EPM2A: variants seen among roughly 807,000 people sequenced by gnomAD.
EPM2A encodes EPM2A glucan phosphatase, laforin.
In EPM2A, 21 loss-of-function variants were observed where a neutral mutation model predicts 26.5. The ratio of observed to expected loss-of-function variants is 0.79; its 90% CI spans 0.56 to 1.14. The LOEUF (loss-of-function observed/expected upper bound fraction) is 1.14. Ranked by LOEUF, EPM2A falls within the 50% of genes most tolerant of loss-of-function variation. The probability of loss-of-function intolerance (pLI) is 0.00; values close to 1 mark genes in which losing one functional copy is unlikely to be tolerated. For synonymous variants in EPM2A, 217 were observed against 177.6 expected, an observed-to-expected ratio of 1.22 and a Z score of -1.76; for missense variants, 458 against 440.8, an observed-to-expected ratio of 1.04 and a Z score of -0.35.
In EPM2A at chr6:145,427,013, T is replaced by C. The variant is rs550304444; in HGVS notation, c.556-42916A>G. ...AAAAGCTTTGAAAGGGGAAAGAACA[T>C]TTTTCTTTATATTTGGTGGCAATTT... On this transcript the variant is annotated intron_variant, in intron 4 of 4. Coordinates refer to the EPM2A transcript ENST00000638717. 3.3e-5 allele frequency among the ~76,000 whole-genome samples: 5 copies of C among 152,284 alleles called. No individual in the cohort carries two copies. In the South Asian group the frequency reaches 6.2e-4, roughly 19 times the overall value.
In EPM2A at chr6:145,403,464, T is replaced by A. The variant is rs1374550736; in HGVS notation, c.556-19367A>T. On this transcript the variant is annotated intron_variant, in intron 4 of 4. Transcript: ENST00000638717. ...CTGGTAACCACCCTCTTACTCTCTA[T>A]GTCCATGAGTTCAATTGTTTTGATT... Among the ~76,000 whole-genome samples the A allele has an allele frequency of 4.8e-5, 7 of 145,624 alleles. No homozygotes were observed. The East Asian group carries it at 1.1e-3, about 24-fold the overall frequency.
At chr6:145,518,595 C>CAAAAAA (rs55802475) in intron 2 of EPM2A, among the ~76,000 whole-genome samples, 14 of 102,664 alleles carry the variant, frequency 1.4e-4, no homozygotes, top group Non-Finnish European at 2.2e-4. Context: ...TGAAATGCAC[C>CAAAAAA]AAAAAAAAAA....
chr6:145,448,328 C>G (rs1288150911), intron 4 of EPM2A, among the ~76,000 whole-genome samples: 1 of 151,922 alleles, frequency 6.6e-6, no homozygotes, highest in African/African-American at 2.4e-5. Flanking sequence ...TAGGAAACCA[C>G]AATGTAAATC....
intron 2 of EPM2A, among the ~76,000 whole-genome samples, chr6:145,547,321 A>T (rs1398523230): frequency 6.6e-6 from 1 of 151,808 alleles, no homozygotes; most frequent in Non-Finnish European, 1.5e-5. Flanking sequence ...CACTAAACTA[A>T]CTCTGGCTCT....
chr6:145,683,310 T>A (rs901831161), intron 2 of EPM2A, among the ~76,000 whole-genome samples: 10 of 148,656 alleles, frequency 6.7e-5, no homozygotes, highest in African/African-American at 2.2e-4. Context: ...TGTGTGTGAG[T>A]GTGTATATAT....
At position 145,626,776 on chromosome 6, in the gene EPM2A, A is replaced by G. The variant is rs1189072666; in HGVS notation, c.*640T>C. 1 of 985,726 alleles carries G rather than the reference A, an allele frequency of 1.0e-6. No individual in the cohort carries two copies. The highest frequency in any genetic ancestry group is 1.8e-5 in the African/African-American group (1 of 57,078). The allele number at this position is 985,726 out of a possible 1,614,324, so 61.1% of individuals were successfully genotyped here. On this transcript the variant is annotated 3_prime_UTR_variant, in exon 4 of 4. Coordinates refer to ENST00000367519, the MANE Select transcript of EPM2A (RefSeq NM_005670.4). Reference sequence around the variant, plus strand: ...TTTGCTTTGTTTGGTAATTTTGAGGAAAAACAACAACAAATGAGAGATAAT... The same window carrying G: ...TTTGCTTTGTTTGGTAATTTTGAGGGAAAACAACAACAAATGAGAGATAAT...
intron 2 of EPM2A, among the ~76,000 whole-genome samples, chr6:145,526,569 T>C (rs1270648744): frequency 6.6e-6 from 1 of 152,114 alleles, no homozygotes; most frequent in African/African-American, 2.4e-5. Flanking sequence ...GATTTTCTAA[T>C]TTGTCTGCAC....
chr6:145,722,720 G>A (rs1030530258), intron 1 of EPM2A: 3 of 448,660 alleles, frequency 6.7e-6, no homozygotes, highest in African/African-American at 4.1e-5. Context: ...AAGATAGGAT[G>A]TTTACAGTGG....
intron 2 of EPM2A, among the ~76,000 whole-genome samples, chr6:145,611,624 C>A (rs972845378): frequency 3.9e-5 from 6 of 152,114 alleles, no homozygotes; most frequent in African/African-American, 1.4e-4. Flanking sequence ...AATAACAATA[C>A]ATTGTCTGCA....
chr6:145,619,588 C>T (rs1775587223), intron 2 of EPM2A, among the ~76,000 whole-genome samples: 1 of 152,066 alleles, frequency 6.6e-6, no homozygotes, highest in Admixed American at 6.6e-5. Flanking sequence ...GGCTTAAATT[C>T]TCAGTAGTAA....
downstream of EPM2A, among the ~76,000 whole-genome samples, chr6:145,623,230 T>C (rs1389399370): frequency 1.3e-5 from 2 of 152,230 alleles, no homozygotes; most frequent in Admixed American, 6.5e-5. Flanking sequence ...AGTGACAGCA[T>C]ATAGAAAATA....
chr6:145,619,125 T>G (rs1465589764), intron 2 of EPM2A, among the ~76,000 whole-genome samples: 1 of 152,034 alleles, frequency 6.6e-6, no homozygotes, highest in African/African-American at 2.4e-5. Context: ...ATGTTGCCAG[T>G]GTCTGCTCAA....
At chr6:145,473,484 G>A (rs1779502898) in intron 4 of EPM2A, among the ~76,000 whole-genome samples, 1 of 151,896 alleles carries the variant, frequency 6.6e-6, no homozygotes, top group African/African-American at 2.4e-5. Context: ...AAAGATAGAG[G>A]TAGAAAGTTT....
At chr6:145,558,829 C>A (rs995390408) in intron 2 of EPM2A, among the ~76,000 whole-genome samples, 1 of 152,022 alleles carries the variant, frequency 6.6e-6, no homozygotes, top group Non-Finnish European at 1.5e-5. Context: ...TATAATCAGC[C>A]TTATGCAGAA....
intron 1 of EPM2A, among the ~76,000 whole-genome samples, chr6:145,725,326 A>C (rs1188545494): frequency 1.3e-5 from 2 of 152,134 alleles, no homozygotes; most frequent in African/African-American, 4.8e-5. Flanking sequence ...AGGAACTCTC[A>C]TTCTATGCCA....
chr6:145,489,757 C>T, intron 4 of EPM2A: 1 of 1,451,552 alleles, frequency 6.9e-7, no homozygotes, highest in Non-Finnish European at 9.7e-7. Context: ...GCAGCATCTG[C>T]TTGGCTAGGT....
At chr6:145,502,547 G>A (rs753928527) in exon 3 of EPM2A, 3 of 470,596 alleles carry the variant, frequency 6.4e-6, no homozygotes, top group Non-Finnish European at 1.3e-5. Flanking sequence ...ACATCCCCGA[G>A]CAGCACATGT....
intron 1 of EPM2A, among the ~76,000 whole-genome samples, chr6:145,729,225 G>T (rs1776361817): frequency 6.6e-6 from 1 of 152,184 alleles, no homozygotes; most frequent in Non-Finnish European, 1.5e-5. Flanking sequence ...GTGCACAGGG[G>T]AAATGTTGAG....
intron 1 of EPM2A, among the ~76,000 whole-genome samples, chr6:145,725,442 C>T (rs1387477285): frequency 6.6e-6 from 1 of 152,002 alleles, no homozygotes; most frequent in Non-Finnish European, 1.5e-5. Flanking sequence ...TAGATATCTA[C>T]CCACTGATAT....
Sources: gnomAD v4.1 joint callset for allele counts (sites outside exome capture counted in the v4.1 genomes callset) on GRCh38, gnomAD v4.1.1 for gene constraint, MANE v1.5 for transcripts, NCBI Gene and HGNC (gene_info 2026-07-23, HGNC 2026-07-21) for gene names.